Variants in SNRPD1 observed in about 807,000 individuals in gnomAD.
SNRPD1 encodes the protein small nuclear ribonucleoprotein D1 polypeptide, also known as small nuclear ribonucleoprotein Sm D1.
SNRPD1 carries 1 observed loss-of-function variant against 14.4 expected under a neutral mutation model. That is an observed-to-expected ratio of 0.07 (90% CI 0.02 to 0.33). SNRPD1 has a LOEUF of 0.33. Ranked by LOEUF, SNRPD1 falls within the 10% of genes least tolerant of loss-of-function variation. The pLI is 1.00. For synonymous variants in SNRPD1, 42 were observed against 50.3 expected (o/e 0.83, Z 0.70); for missense variants, 52 against 146.4 (o/e 0.36, Z 3.33).
intron 1 of SNRPD1, among the ~76,000 whole-genome samples, chr18:21,615,442 C>T (rs1464120882): frequency 6.6e-6 from 1 of 151,900 alleles, no homozygotes; most frequent in Non-Finnish European, 1.5e-5. Context: ...ATGGTGAAAC[C>T]CCATCTCTAC....
chr18:21,622,667 C>T, intron 1 of SNRPD1, 58 bp from the exon 2 acceptor site: 2 of 837,036 alleles, frequency 2.4e-6, no homozygotes, highest in Non-Finnish European at 4.1e-6. Flanking sequence ...ACCCTTTCAC[C>T]TTAATAAATG....
rs1424189075 is a variant in SNRPD1, at chr18:21,629,747, G to A, written c.*609G>A. ...TGAGAAACCTTTAAGCTGAACTTGAGATATGTAAAGAGACTTTAGGCTAAA... is the reference window on the plus strand; with the variant it reads ...TGAGAAACCTTTAAGCTGAACTTGAAATATGTAAAGAGACTTTAGGCTAAA... On this transcript the variant is annotated 3_prime_UTR_variant, in exon 4 of 4. Coordinates refer to ENST00000300413, the MANE Select transcript of SNRPD1 (RefSeq NM_006938.4). The A allele has an allele frequency of 6.6e-6, 1 of 152,452 alleles. No individual in the cohort carries two copies. The highest frequency in any genetic ancestry group is 2.4e-5 in the African/African-American group (1 of 41,438). 9.4% of individuals were successfully genotyped at this position (152,452 alleles called of 1,614,324 possible).
At chr18:21,613,029 C>G (rs559759307) in intron 1 of SNRPD1, among the ~76,000 whole-genome samples, 3 of 152,240 alleles carry the variant, frequency 2.0e-5, no homozygotes, top group East Asian at 3.9e-4. Context: ...TTTTTATCCT[C>G]CTTAGATTTG....
Position 21,622,797 on chromosome 18 carries a change from C to G in SNRPD1, c.87C>G (p.Ile29Met). ...LKNGTQVHGT[I>M]TGVDVSMNTH... ...ACGGAACACAGGTCCATGGAACAAT[C>G]ACAGGTACGGAGGTTGGACTGCTTT... The change falls in exon 2 of 4, where the codon ATC becomes ATG. Residue 29 changes from isoleucine (I) to methionine (M), a missense_variant. Transcript: ENST00000300413. 1.3e-6 allele frequency: 2 copies of G among 1,550,320 alleles called. No homozygotes were observed. The highest frequency in any genetic ancestry group is 2.2e-5 in the South Asian group (2 of 89,326).
intron 1 of SNRPD1, among the ~76,000 whole-genome samples, chr18:21,618,815 TA>T (rs1781828587): frequency 6.6e-6 from 1 of 152,086 alleles, no homozygotes; most frequent in South Asian, 2.1e-4. Context: ...AAAAAGAAAT[TA>T]AAAAAAGGCA....
chr18:21,628,887 T>G (rs2039059668), intron 3 of SNRPD1, among the ~76,000 whole-genome samples, 175 bp from the exon 4 acceptor site: 3 of 149,516 alleles, frequency 2.0e-5, no homozygotes, highest in Admixed American at 6.7e-5. Flanking sequence ...TGTTGGGGGG[T>G]GGAGGGAATC....
At chr18:21,627,965 C>A (rs1005932251) in intron 3 of SNRPD1, among the ~76,000 whole-genome samples, 2 of 152,080 alleles carry the variant, frequency 1.3e-5, no homozygotes, top group East Asian at 3.9e-4. Context: ...CTCAGTTTTC[C>A]TTTTGTGACC....
rs189578876 is a variant in SNRPD1, at chr18:21,629,872, A to G, written c.*734A>G. 23 of 152,238 alleles carry G rather than the reference A, an allele frequency of 1.5e-4. No homozygotes were observed. The highest frequency in any genetic ancestry group is 5.3e-4 in the African/African-American group (22 of 41,550). 9.4% of individuals were successfully genotyped at this position (152,238 alleles called of 1,614,324 possible). A position where few individuals can be genotyped will look rare whatever the true frequency, so the allele number is the denominator to read the frequency against. On this transcript the variant is annotated 3_prime_UTR_variant, in exon 4 of 4. Coordinates refer to ENST00000300413, the MANE Select transcript of SNRPD1 (RefSeq NM_006938.4). ...ATTCTGTGGCACCTACCCACAGGGGAAGTAAGAAGTTTGTTTTGGTATTTC... is the reference window on the plus strand; with the variant it reads ...ATTCTGTGGCACCTACCCACAGGGGGAGTAAGAAGTTTGTTTTGGTATTTC...
chr18:21,628,943 G>GTAGTTTA lies in SNRPD1; in HGVS notation c.284-116_284-115insTTTATAG, dbSNP rs536784281. ...AGAAGCTAGTTAAACTTTATTTACT[G>GTAGTTTA]TAGCTACTAATAAAGAGCTATAAAC... On this transcript the variant is annotated intron_variant, in intron 3 of 3. Coordinates refer to ENST00000300413, the MANE Select transcript of SNRPD1 (RefSeq NM_006938.4). 5.0e-4 allele frequency: 390 copies of GTAGTTTA among 775,656 alleles called. 3 individuals carry two copies. In the African/African-American group the frequency reaches 6.2e-3, roughly 12 times the overall value. 48.0% of individuals were successfully genotyped at this position (775,656 alleles called of 1,614,324 possible).
intron 1 of SNRPD1, among the ~76,000 whole-genome samples, chr18:21,619,472 A>C (rs1598491748): frequency 6.8e-6 from 1 of 146,826 alleles, no homozygotes. Flanking sequence ...ATGAGCCACC[A>C]CACCTGGCGA....
At position 21,630,835 on chromosome 18, in the gene SNRPD1, A is replaced by G. The variant is rs1308651405; in HGVS notation, c.*1697A>G. On this transcript the variant is annotated 3_prime_UTR_variant, in exon 4 of 4. Coordinates refer to ENST00000300413, the MANE Select transcript of SNRPD1 (RefSeq NM_006938.4). The stretch of plus-strand genomic sequence containing the variant: ...TTATACTAATATATAAATATATACT[A>G]ATAGATATATTAGTATACATGTAGA... 6.7e-6 allele frequency: 1 copy of G among 148,504 alleles called. No individual in the cohort carries two copies. The highest frequency in any genetic ancestry group is 1.9e-4 in the East Asian group (1 of 5,158). The allele number at this position is 148,504 out of a possible 1,614,324, so 9.2% of individuals were successfully genotyped here.
Position 21,629,271 on chromosome 18 carries a change from T to C in SNRPD1, c.*133T>C. Reference sequence around the variant, plus strand: ...TTTAGTATATCAAAGTTTTAGTAGTTTCCTCCACATTCACGAAATTACCAC... The same window carrying C: ...TTTAGTATATCAAAGTTTTAGTAGTCTCCTCCACATTCACGAAATTACCAC... On this transcript the variant is annotated 3_prime_UTR_variant, in exon 4 of 4. Coordinates refer to ENST00000300413, the MANE Select transcript of SNRPD1 (RefSeq NM_006938.4). The C allele has an allele frequency of 1.5e-6, 1 of 660,234 alleles. No individual in the cohort carries two copies. Among genetic ancestry groups the C allele is most frequent in the Non-Finnish European group, 2.7e-6 (1 of 370,948 alleles). The allele number at this position is 660,234 out of a possible 1,614,324, so 40.9% of individuals were successfully genotyped here. A position where few individuals can be genotyped will look rare whatever the true frequency, so the allele number is the denominator to read the frequency against.
intron 3 of SNRPD1, among the ~76,000 whole-genome samples, chr18:21,628,343 G>A (rs2039055841): frequency 6.6e-6 from 1 of 152,160 alleles, no homozygotes; most frequent in Non-Finnish European, 1.5e-5. Flanking sequence ...TTACACTCCA[G>A]ATGGGACTAC....
chr18:21,619,740 A>G (rs2146258082), intron 1 of SNRPD1, among the ~76,000 whole-genome samples: 1 of 151,550 alleles, frequency 6.6e-6, no homozygotes, highest in East Asian at 2.1e-4. Context: ...AGATCATGCC[A>G]CTGCACTCCA....
chr18:21,625,666 A>G (rs1372471333), intron 3 of SNRPD1, among the ~76,000 whole-genome samples: 2 of 152,046 alleles, frequency 1.3e-5, no homozygotes, highest in African/African-American at 4.8e-5. Flanking sequence ...GCTGGAGTGC[A>G]GTGGCGCGAT....
chr18:21,620,130 A>AT (rs934835777), intron 1 of SNRPD1, among the ~76,000 whole-genome samples: 5 of 151,888 alleles, frequency 3.3e-5, no homozygotes, highest in African/African-American at 7.3e-5. Context: ...AATTTTTTGT[A>AT]TTTTTAGTAG....
chr18:21,615,543 A>G (rs1201389898), intron 1 of SNRPD1, among the ~76,000 whole-genome samples: 1 of 152,028 alleles, frequency 6.6e-6, no homozygotes, highest in Non-Finnish European at 1.5e-5. Context: ...CCTTGAACCC[A>G]GGAGGTGGAG....
At chr18:21,613,892 G>A (rs999235020) in intron 1 of SNRPD1, among the ~76,000 whole-genome samples, 1 of 150,576 alleles carries the variant, frequency 6.6e-6, no homozygotes, top group African/African-American at 2.4e-5. Flanking sequence ...TATTCAGGGA[G>A]GAGTTGGTAC....
In SNRPD1 at chr18:21,629,414, A is replaced by G. The variant is rs997199465; in HGVS notation, c.*276A>G. On this transcript the variant is annotated 3_prime_UTR_variant, in exon 4 of 4. Transcript: ENST00000300413. ...TGAATAAGGTTAAAATAAAAGCCTT[A>G]GACAAATTAAATTTGGCAGAGTTTA... 1.0e-5 allele frequency: 3 copies of G among 301,216 alleles called. No individual in the cohort carries two copies. Among genetic ancestry groups the G allele is most frequent in the African/African-American group, 6.5e-5 (3 of 46,006 alleles). The allele number at this position is 301,216 out of a possible 1,614,324, so 18.7% of individuals were successfully genotyped here. A position where few individuals can be genotyped will look rare whatever the true frequency, so the allele number is the denominator to read the frequency against.
Sources: gnomAD v4.1 joint callset for allele counts (sites outside exome capture counted in the v4.1 genomes callset) on GRCh38, gnomAD v4.1.1 for gene constraint, MANE v1.5 for transcripts, NCBI Gene and HGNC (gene_info 2026-07-23, HGNC 2026-07-21) for gene names.